DPP6: variants seen among roughly 807,000 people sequenced by gnomAD.
The protein encoded by DPP6 is dipeptidyl peptidase like 6.
In DPP6, 69 loss-of-function variants were observed where a neutral mutation model predicts 122.6. That is an observed-to-expected ratio of 0.56 (90% CI 0.46 to 0.69). The LOEUF is 0.69. Ranked by LOEUF, DPP6 falls within the 30% of genes least tolerant of loss-of-function variation. The pLI, the probability that DPP6 is intolerant of heterozygous loss-of-function variation, is 0.00. For synonymous variants in DPP6, 418 were observed against 433.1 expected (o/e 0.97, Z 0.43); for missense variants, 928 against 1,116.9 (o/e 0.83, Z 2.41).
At chr7:154,308,315 A>T (rs1248173738) in intron 1 of DPP6, among the ~76,000 whole-genome samples, 1 of 30,108 alleles carries the variant, frequency 3.3e-5, no homozygotes, top group East Asian at 4.5e-4. Context: ...CGTGTTTGCT[A>T]AAAAAAATGT....
At chr7:154,149,121 C>T (rs60204898) in intron 1 of DPP6, among the ~76,000 whole-genome samples, 1,647 of 152,238 alleles carry the variant, frequency 0.011, 5 homozygotes, top group East Asian at 0.032. Flanking sequence ...CCCTGCAGTC[C>T]GTGAACCCCC....
chr7:154,791,201 A>G (rs185026915), intron 10 of DPP6, among the ~76,000 whole-genome samples: 4 of 152,256 alleles, frequency 2.6e-5, no homozygotes, highest in Admixed American at 2.6e-4. Context: ...GCAGTGAGCC[A>G]AGATATTGTG....
intron 1 of DPP6, among the ~76,000 whole-genome samples, chr7:154,059,987 C>A (rs10256479): frequency 6.6e-6 from 1 of 150,878 alleles, no homozygotes; most frequent in African/African-American, 2.4e-5. Flanking sequence ...CCTCTTCCCC[C>A]CTGGCTGTTG....
At chr7:154,643,522 G>T (rs977242007) in intron 6 of DPP6, among the ~76,000 whole-genome samples, 2 of 142,766 alleles carry the variant, frequency 1.4e-5, no homozygotes, top group Admixed American at 1.4e-4. Context: ...AGGCTGAAGT[G>T]CAGTGATACG....
rs115531178 is a variant in DPP6, at chr7:154,122,479, A to G, written c.243+69416A>G. Among the ~76,000 whole-genome samples, 1,234 of 152,348 alleles carry G rather than the reference A, an allele frequency of 8.1e-3. 13 individuals carry two copies. Among genetic ancestry groups the G allele is most frequent in the African/African-American group, 0.028 (1,148 of 41,560 alleles). On this transcript the variant is annotated intron_variant, in intron 1 of 25. Transcript: ENST00000377770. ...TTATATAAAATAAACCGAAGTTACT[A>G]GAAAGAGATGGGGGTTAAATTCCCT...
chr7:154,271,145 A>G (rs1193393195), intron 1 of DPP6, among the ~76,000 whole-genome samples: 1 of 152,184 alleles, frequency 6.6e-6, no homozygotes, highest in Non-Finnish European at 1.5e-5. Context: ...GAGAGAAGAC[A>G]ATGCAAAATT....
chr7:154,794,464 G>A (rs1442632929), intron 11 of DPP6, among the ~76,000 whole-genome samples: 2 of 152,230 alleles, frequency 1.3e-5, no homozygotes, highest in South Asian at 2.1e-4. Context: ...GACGCCGTCC[G>A]CAGTTCACTG....
chr7:154,803,262 G>A (rs976149650), intron 13 of DPP6, among the ~76,000 whole-genome samples: 5 of 152,178 alleles, frequency 3.3e-5, no homozygotes, highest in African/African-American at 1.2e-4. Flanking sequence ...CGCCTAGATG[G>A]CCCTGTCTCT....
chr7:154,248,781 G>A lies in DPP6; in HGVS notation c.243+195718G>A, dbSNP rs143538943. 4.6e-3 allele frequency among the ~76,000 whole-genome samples: 703 copies of A among 151,948 alleles called. 5 individuals carry two copies. Among genetic ancestry groups the A allele is most frequent in the African/African-American group, 0.016 (679 of 41,430 alleles). ...CTCAGGAGGCTGCAGCAGGAGAATCGTTTGAACCCAGGAGACGGAGGTTGC... is the reference window on the plus strand; with the variant it reads ...CTCAGGAGGCTGCAGCAGGAGAATCATTTGAACCCAGGAGACGGAGGTTGC... On this transcript the variant is annotated intron_variant, in intron 1 of 25. Transcript: ENST00000377770.
chr7:154,440,009 GA>G (rs1260374888), intron 1 of DPP6, among the ~76,000 whole-genome samples: 1 of 152,218 alleles, frequency 6.6e-6, no homozygotes, highest in Admixed American at 6.5e-5. Flanking sequence ...CCCAGGGGAA[GA>G]GGGGCACCCG....
At chr7:153,872,119 A>C in the DPP6 span, among the ~76,000 whole-genome samples, 3 of 152,068 alleles carry the variant, frequency 2.0e-5, no homozygotes, top group African/African-American at 7.2e-5. Flanking sequence ...TCCATCTGTA[A>C]TGTTTTGCCT....
chr7:153,995,143 T>C, intron 1 of DPP6, among the ~76,000 whole-genome samples: 1 of 152,186 alleles, frequency 6.6e-6, no homozygotes, highest in Non-Finnish European at 1.5e-5. Flanking sequence ...AAACCACAGA[T>C]TGAGCTCTGA....
chr7:153,947,125 C>T (rs1231882647), intron 1 of DPP6, among the ~76,000 whole-genome samples: 2 of 152,226 alleles, frequency 1.3e-5, no homozygotes, highest in African/African-American at 4.8e-5. Context: ...CAAAGGAATC[C>T]ATTGAAAGCC....
intron 1 of DPP6, among the ~76,000 whole-genome samples, chr7:153,976,739 A>G (rs1461287622): frequency 6.6e-6 from 1 of 152,234 alleles, no homozygotes; most frequent in Non-Finnish European, 1.5e-5. Flanking sequence ...AACATCTGAC[A>G]TAAAAGGAGG....
In DPP6 at chr7:154,885,769, G is replaced by A. The variant is rs370751574; in HGVS notation, c.2245+25G>A. ...GGTAAATAGCCCTGCAGGACCAAGC[G>A]ACGGGCTCTGCTCCCGCCCCGCCCC... On this transcript the variant is annotated intron_variant, in intron 22 of 25. Coordinates refer to ENST00000377770, the MANE Select transcript of DPP6 (RefSeq NM_130797.4). The A allele has an allele frequency of 6.2e-4, 962 of 1,560,744 alleles. 2 individuals are homozygous for A. The highest frequency in any genetic ancestry group is 4.5e-4 in the Non-Finnish European group (519 of 1,152,710).
chr7:153,882,245 T>C (rs1362138227), upstream of DPP6, among the ~76,000 whole-genome samples: 1 of 152,206 alleles, frequency 6.6e-6, no homozygotes, highest in Admixed American at 6.5e-5. Context: ...TTAAATCATG[T>C]GAAATGAATA....
rs527302759 is a variant in DPP6, at chr7:154,628,621, C to T, written c.628-9200C>T. Among the ~76,000 whole-genome samples, 38 of 152,284 alleles carry T rather than the reference C, an allele frequency of 2.5e-4. No individual in the cohort carries two copies. The South Asian group carries it at 6.8e-3, about 27-fold the overall frequency. On this transcript the variant is annotated intron_variant, in intron 5 of 25. Transcript: ENST00000377770. The stretch of plus-strand genomic sequence containing the variant: ...CTTATGAGCTGGGTAGCTCTTGTCT[C>T]CGCCCACATTATTAGAGATGAGCTC...
At chr7:154,541,117 A>T (rs1431090673) in intron 4 of DPP6, among the ~76,000 whole-genome samples, 2 of 152,110 alleles carry the variant, frequency 1.3e-5, no homozygotes, top group African/African-American at 2.4e-5. Context: ...ATTTGGGAAA[A>T]CTTGTTTTCC....
chr7:154,469,590 G>T (rs1326406497), intron 2 of DPP6, among the ~76,000 whole-genome samples: 1 of 152,122 alleles, frequency 6.6e-6, no homozygotes, highest in East Asian at 1.9e-4. Context: ...ATGGTGATTT[G>T]CAGACGTGCT....
Sources: allele counts gnomAD v4.1 joint callset (sites outside exome capture counted in the v4.1 genomes callset), GRCh38; gene constraint gnomAD v4.1.1; transcripts MANE v1.5; gene names NCBI Gene and HGNC (gene_info 2026-07-23, HGNC 2026-07-21).